Variants in CSMD1 observed in about 807,000 individuals in gnomAD.
The protein encoded by CSMD1 is CUB and sushi domain-containing protein 1.
Under a neutral mutation model 417.5 loss-of-function variants are expected in CSMD1, and 213 were observed. That is an observed-to-expected ratio of 0.51 (90% confidence interval 0.46 to 0.57). CSMD1 has a LOEUF of 0.57. CSMD1 is among the 20% of genes least tolerant of loss of function. CSMD1 has a pLI of 0.00. For synonymous variants in CSMD1, 2,862 were observed against 1,736.8 expected (o/e 1.65, Z -16.11); for missense variants, 6,923 against 4,529.7 (o/e 1.53, Z -15.17).
chr8:3,227,063 T>C (rs147723449), intron 27 of CSMD1, among the ~76,000 whole-genome samples: 173 of 152,228 alleles, frequency 1.1e-3, no homozygotes, highest in African/African-American at 4.0e-3. Flanking sequence ...AATAAATATA[T>C]ATGGCTGATG....
At chr8:3,530,818 C>T (rs1345556407) in intron 10 of CSMD1, among the ~76,000 whole-genome samples, 1 of 151,650 alleles carries the variant, frequency 6.6e-6, no homozygotes, top group Non-Finnish European at 1.5e-5. Flanking sequence ...CATGAGCCAC[C>T]ATGCCTGCCC....
rs889223534 is a variant in CSMD1 at position 3,296,346 on chromosome 8, C to G, written c.3950+11349G>C. On this transcript the variant is annotated intron_variant, in intron 25 of 69. Transcript: ENST00000635120. ...TGAGGACAGCCAGGAGCCAGTGCAGCAAGAACAGAGGAAGGGGGACTGGGA... is the reference window on the plus strand; with the variant it reads ...TGAGGACAGCCAGGAGCCAGTGCAGGAAGAACAGAGGAAGGGGGACTGGGA... 2.7e-4 allele frequency among the ~76,000 whole-genome samples: 41 copies of G among 151,882 alleles called. 2 individuals carry two copies. The highest frequency in any genetic ancestry group is 2.5e-3 in the Admixed American group (38 of 15,252).
At chr8:3,961,293 T>TTATATA (rs1812303707) in intron 5 of CSMD1, among the ~76,000 whole-genome samples, 1 of 152,160 alleles carries the variant, frequency 6.6e-6, no homozygotes, top group Non-Finnish European at 1.5e-5. Flanking sequence ...AGCATAAAAG[T>TTATATA]TATATGAGCA....
Position 4,333,135 on chromosome 8 carries a change from A to C in CSMD1, c.415+86818T>G, listed in dbSNP as rs559790798. Among the ~76,000 whole-genome samples, 5 of 152,258 alleles carry C rather than the reference A, an allele frequency of 3.3e-5. No individual in the cohort carries two copies. The South Asian group carries it at 1.0e-3, about 32-fold the overall frequency. ...TGAAAATAGCAGGTGAAATCCAGCAACACCTGATTGAACATAAGAATTCCT... is the reference window on the plus strand; with the variant it reads ...TGAAAATAGCAGGTGAAATCCAGCACCACCTGATTGAACATAAGAATTCCT... On this transcript the variant is annotated intron_variant, in intron 3 of 69. Transcript: ENST00000635120.
At position 4,645,444 on chromosome 8, in the gene CSMD1, C is replaced by CAAAAAAAAAAAAAAAAAAAAAA. The variant is rs549511320; in HGVS notation, c.86-7908_86-7887dup. ...CAAGACAGCAGGTGTAGTGCAGGGG[C>CAAAAAAAAAAAAAAAAAAAAAA]AAAAAAAAAAAAAAAAAAAAAAAGG... On this transcript the variant is annotated intron_variant, in intron 1 of 69. Coordinates refer to ENST00000635120, the MANE Select transcript of CSMD1 (RefSeq NM_033225.6). Among the ~76,000 whole-genome samples the CAAAAAAAAAAAAAAAAAAAAAA allele has an allele frequency of 1.4e-4, 5 of 36,856 alleles. 2 individuals carry two copies. The highest frequency in any genetic ancestry group is 2.2e-4 in the African/African-American group (2 of 9,014). 24.2% of individuals were successfully genotyped at this position (36,856 alleles called of 152,430 possible).
Position 4,988,420 on chromosome 8 carries a change from T to C in CSMD1, c.85+5912A>G, listed in dbSNP as rs192237311. On this transcript the variant is annotated intron_variant, in intron 1 of 69. Transcript: ENST00000635120. ...TAAATTGCAAAATGTATCAGTAAAA[T>C]AAAATACGTAAGTTATTTTTAACAA... Among the ~76,000 whole-genome samples the C allele has an allele frequency of 2.0e-3, 308 of 152,316 alleles. 1 individual carries two copies. Among genetic ancestry groups the C allele is most frequent in the African/African-American group, 7.2e-3 (300 of 41,592 alleles).
intron 3 of CSMD1, among the ~76,000 whole-genome samples, chr8:4,127,300 G>A (rs1191640118): frequency 6.6e-6 from 1 of 151,692 alleles, no homozygotes; most frequent in South Asian, 2.1e-4. Context: ...CTGCTTTTCA[G>A]ATTTCTTATT....
At chr8:3,284,590 A>G (rs1306344759) in intron 25 of CSMD1, 9 of 496,400 alleles carry the variant, frequency 1.8e-5, no homozygotes, top group Non-Finnish European at 3.3e-5. Context: ...GGTGAGCTAG[A>G]TGCTGAGCTA....
At chr8:3,296,364 G>T (rs1425444868) in intron 25 of CSMD1, among the ~76,000 whole-genome samples, 1 of 152,010 alleles carries the variant, frequency 6.6e-6, no homozygotes. Context: ...GAGGAAGGGG[G>T]ACTGGGAAGG....
intron 4 of CSMD1, among the ~76,000 whole-genome samples, chr8:4,001,288 G>C (rs796079873): frequency 2.6e-5 from 4 of 152,238 alleles, no homozygotes; most frequent in African/African-American, 9.6e-5. Flanking sequence ...AGTGTTTACA[G>C]GCAGCCAACA....
At chr8:3,702,692 C>A (rs1800936914) in intron 7 of CSMD1, among the ~76,000 whole-genome samples, 1 of 152,108 alleles carries the variant, frequency 6.6e-6, no homozygotes, top group Non-Finnish European at 1.5e-5. Flanking sequence ...ATTAGCCGGG[C>A]ATCGTGGTGC....
chr8:3,247,832 C>A (rs1799985581), intron 26 of CSMD1, among the ~76,000 whole-genome samples: 1 of 152,174 alleles, frequency 6.6e-6, no homozygotes, highest in African/African-American at 2.4e-5. Context: ...ATCTACTGTA[C>A]AAAATTAGGC....
intron 31 of CSMD1, among the ~76,000 whole-genome samples, chr8:3,203,089 T>G (rs1192698196): frequency 2.6e-5 from 4 of 152,144 alleles, no homozygotes; most frequent in Admixed American, 6.6e-5. Flanking sequence ...ATTTCTACTC[T>G]TTTTCAAGAA....
intron 3 of CSMD1, among the ~76,000 whole-genome samples, chr8:4,079,067 A>G (rs1799987181): frequency 6.6e-6 from 1 of 151,800 alleles, no homozygotes; most frequent in African/African-American, 2.4e-5. Flanking sequence ...CCCGAATGGA[A>G]CTTATACAGC....
At chr8:3,081,212 T>C (rs1389808804) in intron 49 of CSMD1, among the ~76,000 whole-genome samples, 1 of 152,222 alleles carries the variant, frequency 6.6e-6, no homozygotes, top group Non-Finnish European at 1.5e-5. Context: ...AAAAGGTACC[T>C]GTTGCATTTT....
chr8:4,732,535 T>C (rs13255293), intron 1 of CSMD1, among the ~76,000 whole-genome samples: 53,842 of 151,882 alleles, frequency 0.35, 10,648 homozygotes, highest in Admixed American at 0.47. Flanking sequence ...AGTCTTGCAA[T>C]GCAATTGAAT....
In CSMD1 at chr8:3,399,418, C is replaced by T. The variant is rs147162816; in HGVS notation, c.2378G>A (p.Gly793Asp). Reference protein sequence around the residue: ...HCEWIIEAKPGHSIKITFDRF... With the variant: ...HCEWIIEAKPDHSIKITFDRF... The stretch of plus-strand genomic sequence containing the variant: ...GTCAAAAGTTATTTTGATAGAGTGG[C>T]CTGGTTTTGCTTCAATTATCCATTC... The change falls in exon 16 of 70, where the codon GGC (glycine) becomes GAC (aspartate). Residue 793 changes from glycine to aspartate, a missense_variant. Coordinates refer to ENST00000635120, the MANE Select transcript of CSMD1 (RefSeq NM_033225.6). 7.0e-5 allele frequency: 113 copies of T among 1,605,852 alleles called. No individual in the cohort carries two copies. In the East Asian group the frequency reaches 2.2e-3, roughly 32 times the overall value.
At chr8:4,292,679 T>C (rs565467697) in intron 3 of CSMD1, among the ~76,000 whole-genome samples, 3 of 152,292 alleles carry the variant, frequency 2.0e-5, no homozygotes, top group South Asian at 2.1e-4. Flanking sequence ...AAAATATTCA[T>C]TAGAAAAAAT....
At chr8:3,988,626 T>C (rs558691554) in intron 5 of CSMD1, among the ~76,000 whole-genome samples, 1 of 152,304 alleles carries the variant, frequency 6.6e-6, no homozygotes, top group South Asian at 2.1e-4. Context: ...GAGGAACGTT[T>C]AATAGATAAA....
Sources: allele counts gnomAD v4.1 joint callset (sites outside exome capture counted in the v4.1 genomes callset), GRCh38; gene constraint gnomAD v4.1.1; transcripts MANE v1.5; gene names NCBI Gene and HGNC (gene_info 2026-07-23, HGNC 2026-07-21).